Variants in TCAF1 observed in about 807,000 individuals in gnomAD.
TCAF1 encodes TRPM8 channel-associated factor 1.
In TCAF1, 4 loss-of-function variants were observed where a neutral mutation model predicts 27.3. That is an observed-to-expected ratio of 0.15 (90% CI 0.07 to 0.34). The LOEUF (loss-of-function observed/expected upper bound fraction) is 0.34, where lower values mean the gene tolerates loss of function less well. Ranked by LOEUF, TCAF1 falls within the 10% of genes least tolerant of loss-of-function variation. The pLI is 1.00. For synonymous variants in TCAF1, 105 were observed against 167.1 expected (o/e 0.63, Z 2.87); for missense variants, 257 against 425.8 (o/e 0.60, Z 3.49).
intron 1 of TCAF1, among the ~76,000 whole-genome samples, chr7:143,892,889 G>C (rs191476746): frequency 1.3e-5 from 2 of 152,300 alleles, no homozygotes; most frequent in Admixed American, 1.3e-4. Context: ...GCCCTCACCA[G>C]ACATTAAATC....
intron 2 of TCAF1, among the ~76,000 whole-genome samples, chr7:143,874,493 G>GT (rs1181983661): frequency 6.7e-5 from 8 of 118,960 alleles, no homozygotes. Context: ...TTTCGTGAGG[G>GT]TATTTTCAAA....
At chr7:143,877,281 C>T (rs1039463109) in intron 1 of TCAF1, among the ~76,000 whole-genome samples, 17 of 152,310 alleles carry the variant, frequency 1.1e-4, no homozygotes, top group African/African-American at 4.1e-4. Context: ...TCATTTGCTA[C>T]AGCAGCTGCT....
rs1265282124 is a variant in TCAF1 at position 143,869,797 on chromosome 7, TACTA to T, written c.621-6005_621-6002del. ...TAAGAAGTCAACAGTGATCAAACACTACTAACTAAACTCCAGATTTTATATAAAT... is the reference window on the plus strand; with the variant it reads ...TAAGAAGTCAACAGTGATCAAACACTACTAAACTCCAGATTTTATATAAAT... On this transcript the variant is annotated intron_variant, in intron 2 of 8. Transcript: ENST00000479870. Among the ~76,000 whole-genome samples the T allele has an allele frequency of 8.8e-5, 9 of 102,002 alleles. No individual in the cohort carries two copies. The Admixed American group carries it at 9.0e-4, about 10-fold the overall frequency. 66.9% of individuals were successfully genotyped at this position (102,002 alleles called of 152,430 possible).
Position 143,851,603 on chromosome 7 carries a change from C to T in TCAF1, c.*2530G>A, listed in dbSNP as rs536488172. On this transcript the variant is annotated 3_prime_UTR_variant, in exon 9 of 9. Transcript: ENST00000479870. The stretch of plus-strand genomic sequence containing the variant: ...GTTTGAGCAATAATTTCTTGACTTA[C>T]TGACTTTACAACATCTTTAATAATT... 1 of 152,384 alleles carries T rather than the reference C, an allele frequency of 6.6e-6. No individual in the cohort carries two copies. Among genetic ancestry groups the T allele is most frequent in the Admixed American group, 6.5e-5 (1 of 15,308 alleles). 9.4% of individuals were successfully genotyped at this position (152,384 alleles called of 1,614,324 possible). A position where few individuals can be genotyped will look rare whatever the true frequency, so the allele number is the denominator to read the frequency against.
intron 1 of TCAF1, among the ~76,000 whole-genome samples, chr7:143,891,918 A>C (rs1292473888): frequency 6.6e-6 from 1 of 152,174 alleles, no homozygotes; most frequent in Non-Finnish European, 1.5e-5. Context: ...AAATACAGCT[A>C]ATTTTTCAAA....
intron 1 of TCAF1, chr7:143,885,671 T>C (rs1813366077): frequency 6.6e-6 from 3 of 457,820 alleles, no homozygotes; most frequent in Non-Finnish European, 8.6e-6. Context: ...AATCTACTTA[T>C]ATATTGCCTC....
Position 143,860,019 on chromosome 7 carries a change from A to T in TCAF1, c.2167+189T>A, listed in dbSNP as rs1483760029. On this transcript the variant is annotated intron_variant, in intron 6 of 8. Coordinates refer to ENST00000479870, the MANE Select transcript of TCAF1 (RefSeq NM_014719.3). ...ATTATATAATATATATATAATATATATTATATATTATATATATAATATATA... is the reference window on the plus strand; with the variant it reads ...ATTATATAATATATATATAATATATTTTATATATTATATATATAATATATA... Among the ~76,000 whole-genome samples the T allele has an allele frequency of 1.2e-3, 59 of 47,446 alleles. 3 individuals are homozygous for T. The highest frequency in any genetic ancestry group is 2.0e-3 in the South Asian group (5 of 2,458). The allele number at this position is 47,446 out of a possible 152,430, so 31.1% of individuals were successfully genotyped here.
In TCAF1 at chr7:143,876,086, C is replaced by A; in HGVS notation, c.523G>T (p.Val175Leu). Residue 175 changes from valine (V) to leucine (L), a missense_variant, in exon 2 of 9, where the codon GTG (valine) becomes TTG (leucine). By Grantham distance (32) the Val-to-Leu change is conservative (BLOSUM62 1). Around this residue, in one of 2 missense-constraint regions of TCAF1, gnomAD observed 255 missense variants for 260.1 expected, o/e 0.98. Coordinates refer to ENST00000479870, the MANE Select transcript of TCAF1 (RefSeq NM_014719.3). ...AAGTAAATGCCAGCCACACTGGTCA[C>A]GAGGTTCCCAGGGAACGTGAACAGA... ...RVLFTFPGNL[V>L]TSVAGIYFTD... 1 of 1,613,496 alleles carries A rather than the reference C, an allele frequency of 6.2e-7. No homozygotes were observed. Among genetic ancestry groups the A allele is most frequent in the Non-Finnish European group, 8.5e-7 (1 of 1,179,568 alleles).
chr7:143,879,359 G>A (rs1354655743), intron 1 of TCAF1, among the ~76,000 whole-genome samples: 1 of 152,208 alleles, frequency 6.6e-6, no homozygotes, highest in African/African-American at 2.4e-5. Context: ...TGGAGGAGGA[G>A]AAGAAGGGGA....
At chr7:143,857,526 T>C (rs1462002756) in intron 7 of TCAF1, among the ~76,000 whole-genome samples, 176 bp from the exon 8 acceptor site, 1 of 152,308 alleles carries the variant, frequency 6.6e-6, no homozygotes, top group Non-Finnish European at 1.5e-5. Context: ...TTCCACATTC[T>C]AATCTTAGGA....
intron 6 of TCAF1, among the ~76,000 whole-genome samples, chr7:143,859,907 T>C (rs1811814407): frequency 1.8e-5 from 1 of 55,872 alleles, no homozygotes; most frequent in African/African-American, 6.8e-5. Context: ...TTATATAATA[T>C]ATATTACGGA....
chr7:143,898,545 C>G (rs986911010), intron 1 of TCAF1, among the ~76,000 whole-genome samples: 1 of 151,876 alleles, frequency 6.6e-6, no homozygotes, highest in African/African-American at 2.4e-5. Context: ...ATGCCAGCAA[C>G]AATAAACTAC....
chr7:143,875,628 T>C (rs992602434), intron 2 of TCAF1, among the ~76,000 whole-genome samples: 3 of 152,182 alleles, frequency 2.0e-5, no homozygotes, highest in Non-Finnish European at 4.4e-5. Context: ...GGGTCCTTCA[T>C]GCCTGTTTTC....
chr7:143,896,783 T>G lies in TCAF1; in HGVS notation c.-15+5178A>C, dbSNP rs62482924. Among the ~76,000 whole-genome samples, 2 of 151,864 alleles carry G rather than the reference T, an allele frequency of 1.3e-5. 1 individual carries two copies. Among genetic ancestry groups the G allele is most frequent in the Admixed American group, 1.3e-4 (2 of 15,232 alleles). On this transcript the variant is annotated intron_variant, in intron 1 of 8. Coordinates refer to ENST00000479870, the MANE Select transcript of TCAF1 (RefSeq NM_014719.3). ...AATAATCATATCAAAACTTGTCAGA[T>G]GTAGCTAAAAAGTAGTGATAGAAAT...
chr7:143,900,744 A>G (rs1481672751), intron 1 of TCAF1, among the ~76,000 whole-genome samples: 2 of 152,204 alleles, frequency 1.3e-5, no homozygotes, highest in Non-Finnish European at 2.9e-5. Flanking sequence ...GATAAATCAT[A>G]CACCTCCAAA....
intron 1 of TCAF1, among the ~76,000 whole-genome samples, chr7:143,883,740 A>T (rs2116822919): frequency 6.6e-6 from 1 of 152,246 alleles, no homozygotes; most frequent in Non-Finnish European, 1.5e-5. Context: ...ACTGACCTCA[A>T]GTGATCCGCC....
At chr7:143,892,501 CTG>C (rs1260092437) in intron 1 of TCAF1, among the ~76,000 whole-genome samples, 2 of 148,100 alleles carry the variant, frequency 1.4e-5, no homozygotes, top group Admixed American at 6.7e-5. Flanking sequence ...AAAGAGAAAA[CTG>C]TGCAAATTGG....
intron 1 of TCAF1, among the ~76,000 whole-genome samples, chr7:143,887,299 A>G (rs1213297729): frequency 6.6e-6 from 1 of 152,204 alleles, no homozygotes; most frequent in Non-Finnish European, 1.5e-5. Context: ...AATGAGCTCA[A>G]TTCATACCTT....
At chr7:143,876,704 G>T in intron 1 of TCAF1, 82 bp from the exon 2 acceptor site, 1 of 1,132,962 alleles carries the variant, frequency 8.8e-7, no homozygotes, top group Non-Finnish European at 1.2e-6. Flanking sequence ...TCTTCCAGTA[G>T]CTGGGCTATT....
Sources: gnomAD v4.1 joint callset for allele counts (sites outside exome capture counted in the v4.1 genomes callset) on GRCh38, gnomAD v4.1.1 for gene constraint, gnomAD v4.1.1 regional missense constraint, MANE v1.5 for transcripts, NCBI Gene and HGNC (gene_info 2026-07-23, HGNC 2026-07-21) for gene names.